Variants in CCDC138 observed in about 807,000 individuals in gnomAD.
The protein encoded by CCDC138 is coiled-coil domain-containing protein 138.
Under a neutral mutation model 82.3 loss-of-function variants are expected in CCDC138, and 66 were observed. The observed-to-expected ratio is 0.80, with a 90% confidence interval of 0.66 to 0.98. The LOEUF (loss-of-function observed/expected upper bound fraction) is 0.98, where lower values mean the gene tolerates loss of function less well. CCDC138 is among the 50% of genes least tolerant of loss of function. CCDC138 has a pLI of 0.00. For missense variants in CCDC138, 816 were observed against 758.9 expected (o/e 1.08, Z -0.88); for synonymous variants, 297 against 265.4 (o/e 1.12, Z -1.16).
At chr2:108,824,928 G>A (rs1316791881) in intron 10 of CCDC138, among the ~76,000 whole-genome samples, 1 of 152,192 alleles carries the variant, frequency 6.6e-6, no homozygotes. Flanking sequence ...GTTATGCAGT[G>A]CGTGACTGTG....
chr2:108,867,946 C>A (rs945063941), intron 13 of CCDC138, among the ~76,000 whole-genome samples: 1 of 152,156 alleles, frequency 6.6e-6, no homozygotes, highest in Non-Finnish European at 1.5e-5. Flanking sequence ...ATTCTGATTA[C>A]CCTTGCCTTA....
intron 3 of CCDC138, among the ~76,000 whole-genome samples, chr2:108,789,907 T>C (rs1447258155): frequency 6.6e-6 from 1 of 152,236 alleles, no homozygotes; most frequent in East Asian, 1.9e-4. Flanking sequence ...AGAAATGCTA[T>C]GGGTATCAAG....
chr2:108,855,656 G>T (rs143219350), intron 12 of CCDC138, among the ~76,000 whole-genome samples: 1 of 152,256 alleles, frequency 6.6e-6, no homozygotes, highest in Non-Finnish European at 1.5e-5. Flanking sequence ...TGGTAAAAAT[G>T]GAGTGTACTA....
Position 108,876,360 on chromosome 2 carries a change from A to G in CCDC138, c.*107A>G, listed in dbSNP as rs1208766765. The G allele has an allele frequency of 1.7e-6, 1 of 599,162 alleles. No homozygotes were observed. Among genetic ancestry groups the G allele is most frequent in the Non-Finnish European group, 2.8e-6 (1 of 357,974 alleles). The allele number at this position is 599,162 out of a possible 1,614,324, so 37.1% of individuals were successfully genotyped here. On this transcript the variant is annotated 3_prime_UTR_variant, in exon 15 of 15. Coordinates refer to ENST00000295124, the MANE Select transcript of CCDC138 (RefSeq NM_144978.3). ...AGTAAAGTTATCAGTAGCATCATTTATCATGAAAAATAAATAATTTTTTTG... is the reference window on the plus strand; with the variant it reads ...AGTAAAGTTATCAGTAGCATCATTTGTCATGAAAAATAAATAATTTTTTTG...
At chr2:108,842,197 A>T (rs1461424922) in intron 11 of CCDC138, among the ~76,000 whole-genome samples, 2 of 96,798 alleles carry the variant, frequency 2.1e-5, no homozygotes, top group African/African-American at 6.5e-5. Context: ...CTGGCTAATT[A>T]AAAAGTTTTT....
intron 12 of CCDC138, among the ~76,000 whole-genome samples, chr2:108,848,666 T>G (rs943475907): frequency 1.3e-5 from 2 of 152,166 alleles, no homozygotes; most frequent in African/African-American, 4.8e-5. Context: ...GTGGAAAAAT[T>G]TGCAACAAAT....
chr2:108,875,764 T>C (rs1695938900), intron 14 of CCDC138, among the ~76,000 whole-genome samples: 1 of 152,116 alleles, frequency 6.6e-6, no homozygotes, highest in Non-Finnish European at 1.5e-5. Context: ...GAGGCTGAGA[T>C]GGGAGGATTG....
At chr2:108,816,527 G>A (rs546735879) in intron 10 of CCDC138, among the ~76,000 whole-genome samples, 1 of 121,380 alleles carries the variant, frequency 8.2e-6, no homozygotes, top group East Asian at 2.8e-4. Flanking sequence ...GCAGAGTCCA[G>A]AGGTGATGCA....
chr2:108,863,619 A>T (rs1478516631), intron 13 of CCDC138, among the ~76,000 whole-genome samples: 1 of 152,206 alleles, frequency 6.6e-6, no homozygotes, highest in East Asian at 1.9e-4. Flanking sequence ...CTTTAATGTT[A>T]GGAGCTTTTA....
At chr2:108,815,884 CT>C in intron 9 of CCDC138, 56 bp from the exon 10 acceptor site, 3 of 1,429,464 alleles carry the variant, frequency 2.1e-6, no homozygotes, top group Non-Finnish European at 2.9e-6. Flanking sequence ...TAAGGTTTGT[CT>C]TTGAAGTTTT....
intron 12 of CCDC138, among the ~76,000 whole-genome samples, chr2:108,855,583 G>GT (rs1292411471): frequency 6.6e-6 from 1 of 151,950 alleles, no homozygotes; most frequent in East Asian, 1.9e-4. Context: ...TATTTACAAT[G>GT]TTTTTTTAAA....
At position 108,852,550 on chromosome 2, in the gene CCDC138, A is replaced by G. The variant is rs367684215; in HGVS notation, c.1517-4244A>G. ...GATAAAGAAAATGTGGTACATATAC[A>G]CTATGGAATACTATGCAGCCATTAA... is the stretch of plus-strand genomic sequence containing the variant. On this transcript the variant is annotated intron_variant, in intron 12 of 14. Coordinates refer to ENST00000295124, the MANE Select transcript of CCDC138 (RefSeq NM_144978.3). Among the ~76,000 whole-genome samples the G allele has an allele frequency of 6.4e-4, 98 of 152,374 alleles. 1 individual carries two copies. Among genetic ancestry groups the G allele is most frequent in the African/African-American group, 2.2e-3 (91 of 41,586 alleles).
intron 4 of CCDC138, among the ~76,000 whole-genome samples, chr2:108,793,070 A>G (rs1680183850): frequency 7.1e-6 from 1 of 141,256 alleles, no homozygotes; most frequent in Admixed American, 7.0e-5. Context: ...TCAAAAAAAA[A>G]AGCAAGGCCG....
chr2:108,840,427 G>A (rs1689258327), intron 11 of CCDC138, among the ~76,000 whole-genome samples: 1 of 152,088 alleles, frequency 6.6e-6, no homozygotes, highest in Admixed American at 6.6e-5. Context: ...TTAAACATTT[G>A]GTAGAATTCT....
chr2:108,865,351 G>A (rs1694258761), intron 13 of CCDC138, among the ~76,000 whole-genome samples: 1 of 152,198 alleles, frequency 6.6e-6, no homozygotes, highest in Non-Finnish European at 1.5e-5. Flanking sequence ...TTTGGTAGTA[G>A]TGATTTCAAA....
intron 13 of CCDC138, among the ~76,000 whole-genome samples, chr2:108,872,226 TCTCCTCCTC>T (rs1695373022): frequency 1.3e-5 from 2 of 152,060 alleles, no homozygotes; most frequent in South Asian, 2.1e-4. Flanking sequence ...CTTCCCTCCT[TCTCCTCCTC>T]CCCCCACCAT....
chr2:108,789,018 C>G (rs748220805), intron 3 of CCDC138, 52 bp downstream of exon 3: 1 of 1,595,236 alleles, frequency 6.3e-7, no homozygotes, highest in Non-Finnish European at 8.6e-7. Context: ...TCTCAAAAAA[C>G]TGAGAAAGAG....
chr2:108,838,141 C>T (rs1688878192), intron 10 of CCDC138, among the ~76,000 whole-genome samples: 1 of 151,974 alleles, frequency 6.6e-6, no homozygotes, highest in African/African-American at 2.4e-5. Flanking sequence ...AGAATATTGC[C>T]TCCTGGGATA....
chr2:108,861,027 A>G (rs1269293530), intron 13 of CCDC138, among the ~76,000 whole-genome samples: 3 of 134,172 alleles, frequency 2.2e-5, no homozygotes, highest in Non-Finnish European at 3.1e-5. Context: ...CAGGGTTTCA[A>G]TTTCTTCCTG....
Sources: allele counts gnomAD v4.1 joint callset (sites outside exome capture counted in the v4.1 genomes callset), GRCh38; gene constraint gnomAD v4.1.1; transcripts MANE v1.5; gene names NCBI Gene and HGNC (gene_info 2026-07-23, HGNC 2026-07-21).